INPP5D: variants seen among roughly 807,000 people sequenced by gnomAD.
INPP5D encodes the protein phosphatidylinositol 3,4,5-trisphosphate 5-phosphatase 1.
INPP5D carries 33 observed loss-of-function variants against 122.9 expected under a neutral mutation model. That is an observed-to-expected ratio of 0.27 (90% confidence interval 0.20 to 0.36). The LOEUF is 0.36. INPP5D is among the 10% of genes least tolerant of loss of function. The probability of loss-of-function intolerance (pLI) is 1.00; values close to 1 mark genes in which losing one functional copy is unlikely to be tolerated. For missense variants in INPP5D, 1,053 were observed against 1,412.7 expected (o/e 0.75, Z 4.08); for synonymous variants, 584 against 576.2 (o/e 1.01, Z -0.19).
chr2:233,099,428 C>T (rs1235745277), intron 2 of INPP5D, among the ~76,000 whole-genome samples: 2 of 152,234 alleles, frequency 1.3e-5, no homozygotes, highest in Non-Finnish European at 2.9e-5. Context: ...ATCTGAATTG[C>T]TGATGTGAAT....
chr2:233,173,944 A>AAAAAC (rs199896715), intron 17 of INPP5D, among the ~76,000 whole-genome samples: 3,983 of 152,204 alleles, frequency 0.026, 73 homozygotes, highest in African/African-American at 0.051. Flanking sequence ...AAACAAAAAC[A>AAAAAC]AAAACCATAA....
chr2:233,098,210 G>A (rs1197581521), intron 2 of INPP5D, among the ~76,000 whole-genome samples: 1 of 152,052 alleles, frequency 6.6e-6, no homozygotes, highest in African/African-American at 2.4e-5. Flanking sequence ...TCTCACTTCC[G>A]ATTTCCAAGG....
chr2:233,175,144 G>T (rs1244294862), intron 17 of INPP5D, among the ~76,000 whole-genome samples: 1 of 149,030 alleles, frequency 6.7e-6, no homozygotes, highest in Non-Finnish European at 1.5e-5. Flanking sequence ...CTGGAACCTG[G>T]GAGGTGGAGA....
intron 10 of INPP5D, among the ~76,000 whole-genome samples, chr2:233,158,704 A>G (rs1574773467): frequency 6.6e-6 from 1 of 152,090 alleles, no homozygotes. Context: ...TCAGCCCCAC[A>G]CCTGGGGGAA....
chr2:233,158,565 A>G, intron 10 of INPP5D, 146 bp downstream of exon 10: 1 of 541,570 alleles, frequency 1.8e-6, no homozygotes, highest in Non-Finnish European at 3.3e-6. Context: ...GTGAACTTAG[A>G]GAAGTTGAGG....
chr2:233,170,178 G>A lies in INPP5D; in HGVS notation c.1791+14G>A, dbSNP rs779691426. The A allele has an allele frequency of 2.2e-5, 35 of 1,611,352 alleles. No individual in the cohort carries two copies. The highest frequency in any genetic ancestry group is 8.8e-5 in the South Asian group (8 of 90,856). ...CTGCCTACCTGGGTAAGGGCTGCCC[G>A]CCTGGGGCTGGGGCTGGGGCTGTAT... On this transcript the variant is annotated intron_variant, in intron 15 of 26. Coordinates refer to ENST00000445964, the MANE Select transcript of INPP5D (RefSeq NM_001017915.3). This position sits in a 1 kb window ranked among gnomAD's most constrained non-coding sequence, Gnocchi z 4.5.
rs1694457829 is a variant in INPP5D at position 233,170,252 on chromosome 2, A to G, written c.1791+88A>G. The G allele has an allele frequency of 6.5e-7, 1 of 1,547,276 alleles. No individual in the cohort carries two copies. Among genetic ancestry groups the G allele is most frequent in the African/African-American group, 1.4e-5 (1 of 73,002 alleles). On this transcript the variant is annotated intron_variant, in intron 15 of 26. Transcript: ENST00000445964. This position sits in a 1 kb window ranked among gnomAD's most constrained non-coding sequence, Gnocchi z 4.5. The stretch of plus-strand genomic sequence containing the variant: ...GCTTGGGGCAGGTGGTCGTGGAGAC[A>G]TGTGAATCAAGTGGGCTGAGGCGGC...
chr2:233,164,461 C>A lies in INPP5D; in HGVS notation c.1555+37C>A. The A allele has an allele frequency of 6.6e-7, 1 of 1,514,650 alleles. No individual in the cohort carries two copies. The highest frequency in any genetic ancestry group is 1.2e-5 in the South Asian group (1 of 80,348). The allele number at this position is 1,514,650 out of a possible 1,614,324, so 93.8% of individuals were successfully genotyped here. ...GGGGACCCTGTGTTCCTCCCACACC[C>A]TCTGCCTCAACTCTCGCGACCACAT... On this transcript the variant is annotated intron_variant, in intron 13 of 26. Transcript: ENST00000445964. This position sits in a 1 kb window ranked among gnomAD's most constrained non-coding sequence, Gnocchi z 4.3.
chr2:233,190,426 C>G (rs1695023965), intron 22 of INPP5D, among the ~76,000 whole-genome samples: 1 of 152,212 alleles, frequency 6.6e-6, no homozygotes, highest in Non-Finnish European at 1.5e-5. Context: ...CTCTAAAACA[C>G]CTGCTCAGGC....
chr2:233,084,666 T>TAGG (rs1449786899), intron 2 of INPP5D, among the ~76,000 whole-genome samples: 2 of 152,248 alleles, frequency 1.3e-5, no homozygotes, highest in African/African-American at 4.8e-5. Flanking sequence ...CAGCTGTTAT[T>TAGG]GTTCTGAGTG....
intron 4 of INPP5D, among the ~76,000 whole-genome samples, chr2:233,127,197 G>T (rs541837612): frequency 6.6e-6 from 1 of 152,334 alleles, no homozygotes; most frequent in East Asian, 1.9e-4. Flanking sequence ...AGGGGTTAGG[G>T]TCGGGGCATG....
Position 233,079,654 on chromosome 2 carries a change from G to A in INPP5D, c.198+256G>A, listed in dbSNP as rs532932332. On this transcript the variant is annotated intron_variant, in intron 2 of 26. Transcript: ENST00000445964. ...TCCATAGGTGTGAAGAGGAAACGAA[G>A]GTGAAGCAGACTGTCCAGAGATGAA... Among the ~76,000 whole-genome samples, 153 of 152,258 alleles carry A rather than the reference G, an allele frequency of 1.0e-3. 1 individual carries two copies. The highest frequency in any genetic ancestry group is 3.4e-3 in the Middle Eastern group (1 of 294).
intron 2 of INPP5D, among the ~76,000 whole-genome samples, chr2:233,099,140 G>A (rs1052612501): frequency 3.9e-5 from 6 of 151,996 alleles, no homozygotes; most frequent in Non-Finnish European, 8.8e-5. Context: ...TAGTAGAGGC[G>A]AGGTTTTGCT....
At chr2:233,136,531 T>C (rs1265980782) in intron 5 of INPP5D, among the ~76,000 whole-genome samples, 1 of 151,886 alleles carries the variant, frequency 6.6e-6, no homozygotes, top group African/African-American at 2.4e-5. Context: ...GAGTCCAGAT[T>C]GTAAATCTCT....
chr2:233,206,090 C>T lies in INPP5D; in HGVS notation c.3568-616C>T, dbSNP rs182254986. ...TGAGACTCCATCTCAAAAAAGAGAA[C>T]AGTCAGGCTATGTTGGATTTGAATC... On this transcript the variant is annotated intron_variant, in intron 26 of 26. Transcript: ENST00000445964. This position sits in a 1 kb window ranked among gnomAD's most constrained non-coding sequence, Gnocchi z 4.0. Among the ~76,000 whole-genome samples the T allele has an allele frequency of 1.2e-4, 19 of 152,008 alleles. No homozygotes were observed. Among genetic ancestry groups the T allele is most frequent in the Non-Finnish European group, 2.4e-4 (16 of 67,958 alleles).
intron 2 of INPP5D, among the ~76,000 whole-genome samples, chr2:233,109,102 C>T (rs1168759297): frequency 2.0e-5 from 3 of 152,246 alleles, no homozygotes; most frequent in Admixed American, 6.5e-5. Flanking sequence ...CAGAGTACCT[C>T]CCTCTCCTGG....
intron 3 of INPP5D, among the ~76,000 whole-genome samples, chr2:233,123,886 T>A (rs367765751): frequency 3.9e-5 from 6 of 152,108 alleles, no homozygotes; most frequent in Non-Finnish European, 5.9e-5. Context: ...AAATACCACG[T>A]GTTCTCACTT....
At chr2:233,086,719 G>T (rs1691862037) in intron 2 of INPP5D, among the ~76,000 whole-genome samples, 1 of 152,180 alleles carries the variant, frequency 6.6e-6, no homozygotes, top group African/African-American at 2.4e-5. Context: ...GCTCAAGTTA[G>T]TTGAGTTAGG....
chr2:233,170,935 C>A lies in INPP5D; in HGVS notation c.1901-129C>A. 4.6e-5 allele frequency: 47 copies of A among 1,014,980 alleles called. No homozygotes were observed. Among genetic ancestry groups the A allele is most frequent in the Non-Finnish European group, 5.6e-5 (40 of 712,452 alleles). The allele number at this position is 1,014,980 out of a possible 1,614,324, so 62.9% of individuals were successfully genotyped here. A position where few individuals can be genotyped will look rare whatever the true frequency, so the allele number is the denominator to read the frequency against. ...AAAAAAAAAAAAAAAGCAGCAGCCT[C>A]TCCTCTTGGAGCCTTTCCAGCCATC... On this transcript the variant is annotated intron_variant, in intron 16 of 26. Coordinates refer to ENST00000445964, the MANE Select transcript of INPP5D (RefSeq NM_001017915.3). This position sits in a 1 kb window ranked among gnomAD's most constrained non-coding sequence, Gnocchi z 4.5.
Sources: allele counts gnomAD v4.1 joint callset (sites outside exome capture counted in the v4.1 genomes callset), GRCh38; gene constraint gnomAD v4.1.1; non-coding constraint Gnocchi (gnomAD v3.1); transcripts MANE v1.5; gene names NCBI Gene and HGNC (gene_info 2026-07-23, HGNC 2026-07-21).